The following NSF variants were observed in gnomAD, a reference collection of about 807,000 sequenced individuals.
NSF encodes N-ethylmaleimide sensitive factor, vesicle fusing ATPase.
Under a neutral mutation model 50.3 loss-of-function variants are expected in NSF, and 14 were observed. The observed-to-expected ratio is 0.28, with a 90% confidence interval of 0.18 to 0.44. The LOEUF (loss-of-function observed/expected upper bound fraction) is 0.44. Among genes scored for constraint, NSF ranks in the 20% least tolerant of loss-of-function variants. The pLI is 1.00. For synonymous variants in NSF, 109 were observed against 175.7 expected (o/e 0.62, Z 3.00); for missense variants, 218 against 504.3 (o/e 0.43, Z 5.44).
chr17:46,741,258 C>T (rs1043307840), intron 17 of NSF, among the ~76,000 whole-genome samples: 1 of 152,170 alleles, frequency 6.6e-6, no homozygotes, highest in Non-Finnish European at 1.5e-5. Flanking sequence ...TCTTTAAGAG[C>T]TGCTCCCAAT....
intron 19 of NSF, among the ~76,000 whole-genome samples, chr17:46,754,270 C>T (rs1373760064): frequency 1.3e-5 from 2 of 150,496 alleles, no homozygotes; most frequent in Admixed American, 6.6e-5. Flanking sequence ...GTAGTCTGAC[C>T]TCTTACCTTT....
intron 17 of NSF, among the ~76,000 whole-genome samples, chr17:46,742,384 C>A (rs2059082905): frequency 6.6e-6 from 1 of 152,184 alleles, no homozygotes; most frequent in Non-Finnish European, 1.5e-5. Flanking sequence ...GATTATCATT[C>A]ATTCAGTGCA....
At chr17:46,715,215 G>T (rs376997250) in intron 15 of NSF, among the ~76,000 whole-genome samples, 2 of 152,212 alleles carry the variant, frequency 1.3e-5, no homozygotes, top group African/African-American at 4.8e-5. Context: ...GATGCAAAAA[G>T]AACTTATAAT....
chr17:46,733,475 G>A (rs534130379), intron 17 of NSF, among the ~76,000 whole-genome samples: 1 of 152,214 alleles, frequency 6.6e-6, no homozygotes, highest in South Asian at 2.1e-4. Context: ...ACTGTTTAAT[G>A]CTGGGTTTGA....
chr17:46,692,638 TAC>T (rs2058558964), intron 9 of NSF, among the ~76,000 whole-genome samples: 1 of 110,210 alleles, frequency 9.1e-6, no homozygotes, highest in Non-Finnish European at 1.8e-5. Flanking sequence ...TTTCTATCTA[TAC>T]ACACACACTA....
At chr17:46,716,364 C>G (rs1490765675) in intron 15 of NSF, among the ~76,000 whole-genome samples, 3 of 151,432 alleles carry the variant, frequency 2.0e-5, no homozygotes, top group Non-Finnish European at 2.9e-5. Flanking sequence ...TCATGCCATT[C>G]TCCTGCCTCA....
chr17:46,728,905 C>T lies in NSF; in HGVS notation c.1879C>T (p.Leu627Phe). The change falls in exon 17 of 21, where the codon CTC becomes TTC. Residue 627 changes from leucine (L) to phenylalanine (F), a missense_variant. By Grantham distance (22) the Leu-to-Phe change is conservative. Transcript: ENST00000398238. ...TTCAAATCTTGTATTACAGGCTCTT[C>T]TCGTTTTACTGAAAAAGGCACCTCC... ...RFSNLVLQAL[L>F]VLLKKAPPQG... 6.2e-7 allele frequency: 1 copy of T among 1,607,664 alleles called. No homozygotes were observed. Among genetic ancestry groups the T allele is most frequent in the African/African-American group, 1.3e-5 (1 of 74,794 alleles).
At chr17:46,712,395 C>G (rs1398883509) in intron 14 of NSF, among the ~76,000 whole-genome samples, 1 of 152,070 alleles carries the variant, frequency 6.6e-6, no homozygotes, top group Non-Finnish European at 1.5e-5. Flanking sequence ...GAAGCTGAAG[C>G]CTAGAAATAT....
intron 16 of NSF, among the ~76,000 whole-genome samples, chr17:46,727,279 G>A (rs2058899274): frequency 6.6e-6 from 1 of 152,130 alleles, no homozygotes; most frequent in Non-Finnish European, 1.5e-5. Context: ...TAACTCATAA[G>A]AAATAAACTG....
intron 9 of NSF, among the ~76,000 whole-genome samples, chr17:46,691,575 G>T (rs963889380): frequency 6.6e-6 from 1 of 151,016 alleles, no homozygotes; most frequent in South Asian, 2.1e-4. Context: ...AGCCTGGGCA[G>T]CAGAGCAAGA....
At chr17:46,750,387 ATTTCAGATTT>A (rs2059170568) in intron 18 of NSF, among the ~76,000 whole-genome samples, 1 of 152,106 alleles carries the variant, frequency 6.6e-6, no homozygotes, top group African/African-American at 2.4e-5. Context: ...AGTGTTTCAG[ATTTCAGATTT>A]TTTCAGATTT....
intron 8 of NSF, among the ~76,000 whole-genome samples, chr17:46,671,737 TTG>T (rs2058371840): frequency 1.1e-5 from 1 of 91,770 alleles, no homozygotes; most frequent in Admixed American, 1.2e-4. Context: ...TGGTAATAAT[TTG>T]TGAATTGTTT....
chr17:46,737,570 T>TGC (rs1491013655), intron 17 of NSF, among the ~76,000 whole-genome samples: 1 of 94,028 alleles, frequency 1.1e-5, no homozygotes, highest in African/African-American at 3.5e-5. Flanking sequence ...AGGGTGTGTG[T>TGC]GCGTGTGTGT....
intron 9 of NSF, among the ~76,000 whole-genome samples, chr17:46,684,479 A>G (rs1769642451): frequency 6.6e-6 from 1 of 152,124 alleles, no homozygotes; most frequent in Non-Finnish European, 1.5e-5. Flanking sequence ...GCTGGGTCAA[A>G]TGGTATTTCT....
chr17:46,735,467 A>T (rs982392574), intron 17 of NSF, among the ~76,000 whole-genome samples: 1 of 139,740 alleles, frequency 7.2e-6, no homozygotes, highest in South Asian at 2.3e-4. Flanking sequence ...CTTGAGGTTT[A>T]AAAAAAAAAA....
rs376914472 is a variant in NSF, at chr17:46,711,008, G to A, written c.1516G>A (p.Gly506Ser). The A allele has an allele frequency of 3.1e-5, 49 of 1,596,538 alleles. No individual in the cohort carries two copies. The highest frequency in any genetic ancestry group is 4.6e-5 in the East Asian group (2 of 43,736). Residue 506 changes from glycine to serine, a missense_variant, in exon 14 of 21, where the codon GGT (glycine) becomes AGT (serine). Physicochemically the swap from Gly to Ser is moderately conservative, Grantham distance 56 (BLOSUM62 0). Around this residue, in one of 2 missense-constraint regions of NSF, gnomAD observed 209 missense variants for 320.9 expected, o/e 0.65. Coordinates refer to ENST00000398238, the MANE Select transcript of NSF (RefSeq NM_006178.4). Reference sequence around the variant, plus strand: ...AGATTATGCAAGTTACATTATGAACGGTATCATCAAATGGGGTGACCCAGT... The same window carrying A: ...AGATTATGCAAGTTACATTATGAACAGTATCATCAAATGGGGTGACCCAGT... The part of the protein sequence containing the change: ...QEDYASYIMN[G>S]IIKWGDPVTR...
At chr17:46,635,940 T>G (rs1171004411) in intron 4 of NSF, among the ~76,000 whole-genome samples, 10 of 87,276 alleles carry the variant, frequency 1.1e-4, no homozygotes, top group Middle Eastern at 6.8e-3. Context: ...GGTAGCCTAC[T>G]CTACTCTTTC....
At chr17:46,715,878 C>G (rs561634967) in intron 15 of NSF, among the ~76,000 whole-genome samples, 1 of 152,192 alleles carries the variant, frequency 6.6e-6, no homozygotes, top group East Asian at 1.9e-4. Flanking sequence ...CAAGCTTATT[C>G]AAAATTGTTT....
At chr17:46,728,060 G>A (rs2146295045) in intron 16 of NSF, among the ~76,000 whole-genome samples, 1 of 152,194 alleles carries the variant, frequency 6.6e-6, no homozygotes, top group East Asian at 1.9e-4. Context: ...TGAAAATGGA[G>A]GGATCAGTTT....
Sources: allele counts gnomAD v4.1 joint callset (sites outside exome capture counted in the v4.1 genomes callset), GRCh38; gene constraint gnomAD v4.1.1; regional missense constraint gnomAD v4.1.1; transcripts MANE v1.5; gene names NCBI Gene and HGNC (gene_info 2026-07-23, HGNC 2026-07-21).